CLASP1: variants seen among roughly 807,000 people sequenced by gnomAD.
CLASP1 encodes cytoplasmic linker associated protein 1.
A neutral mutation model predicts 192.3 loss-of-function variants in CLASP1; 38 were observed. The ratio of observed to expected loss-of-function variants is 0.20; its 90% CI spans 0.15 to 0.26. The LOEUF (loss-of-function observed/expected upper bound fraction) is 0.26. Ranked by LOEUF, CLASP1 falls within the 10% of genes least tolerant of loss-of-function variation. The pLI is 1.00. For missense variants in CLASP1, 1,433 were observed against 1,932.5 expected (o/e 0.74, Z 4.85); for synonymous variants, 691 against 712.8 (o/e 0.97, Z 0.49).
intron 2 of CLASP1, among the ~76,000 whole-genome samples, chr2:121,533,522 T>C (rs190795507): frequency 6.8e-4 from 104 of 152,216 alleles, no homozygotes; most frequent in African/African-American, 1.4e-3. Context: ...ACTTTTTTTT[T>C]CCCCCTATTT....
chr2:121,523,180 C>T (rs1047233350), intron 6 of CLASP1, among the ~76,000 whole-genome samples: 1 of 152,128 alleles, frequency 6.6e-6, no homozygotes, highest in African/African-American at 2.4e-5. Context: ...TCAGGTAGCT[C>T]AAGTATTAAT....
At chr2:121,344,410 C>A (rs2063183494) in intron 39 of CLASP1, among the ~76,000 whole-genome samples, 1 of 151,956 alleles carries the variant, frequency 6.6e-6, no homozygotes, top group South Asian at 2.1e-4. Context: ...TGGCTCACTG[C>A]AACCTCCACC....
At chr2:121,503,117 G>A (rs2093814802) in intron 8 of CLASP1, 50 bp downstream of exon 8, 1 of 1,120,938 alleles carries the variant, frequency 8.9e-7, no homozygotes, top group Non-Finnish European at 1.3e-6. Flanking sequence ...CATAAATGAT[G>A]CGAATGTAAA....
chr2:121,365,210 G>T (rs372875621), exon 36 of CLASP1: 232 of 1,613,598 alleles, frequency 1.4e-4, no homozygotes, highest in Non-Finnish European at 1.7e-4. Flanking sequence ...GCTCCCTTCC[G>T]TTCCTCCACT....
In CLASP1 at chr2:121,557,362, G is replaced by T. The variant is rs1392311850; in HGVS notation, c.196-27037C>A. Among the ~76,000 whole-genome samples the T allele has an allele frequency of 1.3e-5, 2 of 152,032 alleles. 1 individual carries two copies. The highest frequency in any genetic ancestry group is 2.9e-5 in the Non-Finnish European group (2 of 68,006). On this transcript the variant is annotated intron_variant, in intron 2 of 39. Transcript: ENST00000263710. The stretch of plus-strand genomic sequence containing the variant: ...GCACTTTGAGAGGCTGAGGCGGACG[G>T]ATCACAAGGTCAGGAGTTCGAGACC...
At chr2:121,580,430 A>C (rs550767192) in intron 2 of CLASP1, among the ~76,000 whole-genome samples, 1 of 152,348 alleles carries the variant, frequency 6.6e-6, no homozygotes, top group African/African-American at 2.4e-5. Flanking sequence ...AGACAGAAAT[A>C]TAACCTATCT....
At chr2:121,402,820 T>C (rs2076333833) in intron 26 of CLASP1, among the ~76,000 whole-genome samples, 1 of 152,188 alleles carries the variant, frequency 6.6e-6, no homozygotes, top group Non-Finnish European at 1.5e-5. Context: ...TCTTTGGATA[T>C]CTATGTGGCC....
intron 2 of CLASP1, among the ~76,000 whole-genome samples, chr2:121,589,756 T>A (rs1226746815): frequency 3.3e-5 from 5 of 151,040 alleles, no homozygotes; most frequent in Non-Finnish European, 7.4e-5. Context: ...GAAAAAAGAG[T>A]GGAATATTCA....
intron 30 of CLASP1, among the ~76,000 whole-genome samples, chr2:121,388,796 T>TA (rs1260164327): frequency 1.3e-5 from 2 of 152,178 alleles, no homozygotes; most frequent in Non-Finnish European, 2.9e-5. Context: ...GAAAAAGACA[T>TA]AAAAAACTGT....
At chr2:121,470,079 T>A in intron 8 of CLASP1, 119 bp from the exon 9 acceptor site, 1 of 852,748 alleles carries the variant, frequency 1.2e-6, no homozygotes, top group Non-Finnish European at 1.8e-6. Context: ...CTGCATACTC[T>A]TTTGGAATCT....
chr2:121,549,193 G>A (rs970552688), intron 2 of CLASP1, among the ~76,000 whole-genome samples: 22 of 152,148 alleles, frequency 1.4e-4, no homozygotes, highest in African/African-American at 5.3e-4. Flanking sequence ...TCAAGAAACT[G>A]ATCTCACATG....
intron 2 of CLASP1, among the ~76,000 whole-genome samples, chr2:121,563,450 C>G (rs2059260791): frequency 6.6e-6 from 1 of 152,194 alleles, no homozygotes; most frequent in Non-Finnish European, 1.5e-5. Flanking sequence ...GAATTTCACT[C>G]ATGCTTTCAA....
chr2:121,384,125 C>A, intron 32 of CLASP1, among the ~76,000 whole-genome samples: 1 of 133,468 alleles, frequency 7.5e-6, no homozygotes, highest in South Asian at 2.4e-4. Context: ...TATATACACA[C>A]ATATATATGT....
chr2:121,601,272 ATTT>A (rs1049615967), intron 2 of CLASP1, among the ~76,000 whole-genome samples: 6 of 138,396 alleles, frequency 4.3e-5, no homozygotes, highest in Non-Finnish European at 3.1e-5. Flanking sequence ...AGCGTTCAGC[ATTT>A]TTTTTTTTTT....
At chr2:121,601,312 G>A (rs913847255) in intron 2 of CLASP1, among the ~76,000 whole-genome samples, 4 of 145,036 alleles carry the variant, frequency 2.8e-5, no homozygotes, top group Admixed American at 7.2e-5. Flanking sequence ...TTGCTCTGTC[G>A]CCCAGGCTGG....
chr2:121,411,192 A>G (rs1394923857), intron 23 of CLASP1, among the ~76,000 whole-genome samples: 1 of 152,210 alleles, frequency 6.6e-6, no homozygotes, highest in Non-Finnish European at 1.5e-5. Context: ...CAAACATGGT[A>G]TTTTATTATT....
intron 7 of CLASP1, 30 bp from the exon 8 acceptor site, chr2:121,503,264 T>C (rs2093820473): frequency 4.7e-6 from 6 of 1,285,906 alleles, no homozygotes; most frequent in Non-Finnish European, 6.6e-6. Flanking sequence ...AAACAAACTA[T>C]TAACCATCAC....
At chr2:121,411,922 A>C (rs1276106283) in intron 23 of CLASP1, among the ~76,000 whole-genome samples, 4 of 152,224 alleles carry the variant, frequency 2.6e-5, no homozygotes, top group African/African-American at 9.6e-5. Flanking sequence ...CTTTGGAAGA[A>C]AAATGTTAAG....
At chr2:121,371,873 T>C (rs972948377) in intron 34 of CLASP1, among the ~76,000 whole-genome samples, 2 of 152,212 alleles carry the variant, frequency 1.3e-5, no homozygotes, top group Admixed American at 6.5e-5. Flanking sequence ...CCATCTGAAA[T>C]GCCCTTTGAT....
Sources: gnomAD v4.1 joint callset for allele counts (sites outside exome capture counted in the v4.1 genomes callset) on GRCh38, gnomAD v4.1.1 for gene constraint, MANE v1.5 for transcripts, NCBI Gene and HGNC (gene_info 2026-07-23, HGNC 2026-07-21) for gene names.